The following MYO5A variants were observed in gnomAD, a reference collection of about 807,000 sequenced individuals.
MYO5A encodes unconventional myosin-Va.
A neutral mutation model predicts 249.7 loss-of-function variants in MYO5A; 98 were observed. That is an observed-to-expected ratio of 0.39 (90% CI 0.33 to 0.46). MYO5A has a LOEUF of 0.46. MYO5A is among the 20% of genes least tolerant of loss of function. The pLI is 0.98. For missense variants in MYO5A, 1,696 were observed against 2,308.8 expected (o/e 0.73, Z 5.44); for synonymous variants, 778 against 810.6 (o/e 0.96, Z 0.68).
chr15:52,401,628 T>C (rs977646358), intron 9 of MYO5A, among the ~76,000 whole-genome samples: 1 of 152,184 alleles, frequency 6.6e-6, no homozygotes. Flanking sequence ...TTCTTAGGAA[T>C]AGATTTCTTT....
intron 1 of MYO5A, among the ~76,000 whole-genome samples, chr15:52,462,099 T>TA (rs2076262999): frequency 7.0e-6 from 1 of 143,874 alleles, no homozygotes; most frequent in African/African-American, 2.6e-5. Flanking sequence ...CCGTCTCTAC[T>TA]AAAAAAATAC....
chr15:52,497,527 C>T (rs951360493), intron 1 of MYO5A, among the ~76,000 whole-genome samples: 40 of 150,706 alleles, frequency 2.7e-4, no homozygotes, highest in East Asian at 1.7e-3. Context: ...AAGGCTGAGG[C>T]GGGCGGATTG....
intron 1 of MYO5A, among the ~76,000 whole-genome samples, chr15:52,527,837 A>C (rs1693510): frequency 0.78 from 118,246 of 152,212 alleles, 46,588 homozygotes; most frequent in South Asian, 0.85. Flanking sequence ...CTGTTGCAAA[A>C]GCTAATGTGA....
At chr15:52,463,452 A>G (rs116673549) in intron 1 of MYO5A, among the ~76,000 whole-genome samples, 1,826 of 152,316 alleles carry the variant, frequency 0.012, 40 homozygotes, top group African/African-American at 0.042. Flanking sequence ...TAAAACTTAC[A>G]ACTAAAATTG....
intron 14 of MYO5A, among the ~76,000 whole-genome samples, chr15:52,386,988 T>C (rs767317781): frequency 2.0e-5 from 3 of 152,202 alleles, no homozygotes; most frequent in Non-Finnish European, 4.4e-5. Flanking sequence ...GTTAAAAAGA[T>C]TCTCTGAGAA....
intron 1 of MYO5A, among the ~76,000 whole-genome samples, chr15:52,482,616 T>C (rs1036764028): frequency 2.6e-5 from 4 of 152,192 alleles, no homozygotes; most frequent in African/African-American, 9.6e-5. Context: ...TTCCATTTGA[T>C]ATCCCTAACA....
intron 2 of MYO5A, among the ~76,000 whole-genome samples, chr15:52,431,482 GTATC>G (rs774527229): frequency 6.6e-6 from 1 of 151,868 alleles, no homozygotes; most frequent in Non-Finnish European, 1.5e-5. Flanking sequence ...ATACATATTA[GTATC>G]TATCTATCCA....
At position 52,376,326 on chromosome 15, in the gene MYO5A, C is replaced by A. The variant is rs761787409; in HGVS notation, c.2420+21G>T. On this transcript the variant is annotated intron_variant, in intron 19 of 41. Transcript: ENST00000399233. ...GACAGTGAATTAGATGGGCACTCTA[C>A]TCTGTCCCCAGGAGACCTACCATCG... 2.5e-6 allele frequency: 4 copies of A among 1,611,086 alleles called. No homozygotes were observed. In the African/African-American group the frequency reaches 5.3e-5, roughly 22 times the overall value.
At chr15:52,491,634 C>T (rs2076937766) in intron 1 of MYO5A, among the ~76,000 whole-genome samples, 1 of 152,176 alleles carries the variant, frequency 6.6e-6, no homozygotes, top group Non-Finnish European at 1.5e-5. Context: ...CTGTCTCATG[C>T]TAACAAAAAC....
intron 1 of MYO5A, chr15:52,505,231 C>T (rs528927356): frequency 1.3e-6 from 1 of 774,072 alleles, no homozygotes; most frequent in Non-Finnish European, 2.4e-6. Context: ...CCTCCAGGTG[C>T]TCAATGATTA....
intron 1 of MYO5A, among the ~76,000 whole-genome samples, chr15:52,461,835 C>T (rs549569786): frequency 1.3e-4 from 20 of 151,976 alleles, no homozygotes; most frequent in South Asian, 6.2e-4. Flanking sequence ...GTGGCATGCG[C>T]CTGTAGTCCC....
At chr15:52,317,400 A>G (rs1455481082) in intron 39 of MYO5A, among the ~76,000 whole-genome samples, 178 bp from the exon 40 acceptor site, 1 of 152,236 alleles carries the variant, frequency 6.6e-6, no homozygotes, top group Admixed American at 6.5e-5. Context: ...TGAGGATTAT[A>G]ATCACCATTA....
In MYO5A at chr15:52,308,399, A is replaced by G. The variant is rs1379580713; in HGVS notation, c.*5297T>C. 1 of 152,252 alleles carries G rather than the reference A, an allele frequency of 6.6e-6. No individual in the cohort carries two copies. Among genetic ancestry groups the G allele is most frequent in the East Asian group, 1.9e-4 (1 of 5,204 alleles). 9.4% of individuals were successfully genotyped at this position (152,252 alleles called of 1,614,324 possible). A position where few individuals can be genotyped will look rare whatever the true frequency, so the allele number is the denominator to read the frequency against. ...CTGTTTTTACTCAACCTTTTATAGT[A>G]CAGGGTTCTTAAAAAATTTTGAAAA... On this transcript the variant is annotated 3_prime_UTR_variant, in exon 42 of 42. Coordinates refer to ENST00000399233, the MANE Select transcript of MYO5A (RefSeq NM_001382347.1).
chr15:52,423,412 C>T (rs374736612), intron 4 of MYO5A, among the ~76,000 whole-genome samples: 7 of 152,062 alleles, frequency 4.6e-5, no homozygotes, highest in East Asian at 1.9e-4. Context: ...ATTAGCTGGG[C>T]GTGGTGGCAG....
intron 1 of MYO5A, among the ~76,000 whole-genome samples, chr15:52,443,915 G>T (rs369164118): frequency 6.6e-6 from 1 of 151,558 alleles, no homozygotes; most frequent in Non-Finnish European, 1.5e-5. Flanking sequence ...CCTGAGAGGC[G>T]GAGGTTGCAG....
intron 1 of MYO5A, among the ~76,000 whole-genome samples, chr15:52,504,669 A>C (rs2077228655): frequency 6.6e-6 from 1 of 152,184 alleles, no homozygotes; most frequent in Non-Finnish European, 1.5e-5. Context: ...TGGGAGACCA[A>C]GGCGGGTGGA....
chr15:52,384,911 G>A (rs942877996), intron 14 of MYO5A, among the ~76,000 whole-genome samples: 5 of 152,010 alleles, frequency 3.3e-5, no homozygotes, highest in East Asian at 1.9e-4. Flanking sequence ...AAGATAATTC[G>A]GGTTACAGAA....
chr15:52,430,790 T>C lies in MYO5A; in HGVS notation c.139-2221A>G, dbSNP rs189887622. 5.8e-4 allele frequency among the ~76,000 whole-genome samples: 89 copies of C among 152,316 alleles called. 1 individual carries two copies. In the Middle Eastern group the frequency reaches 0.014, roughly 23 times the overall value. On this transcript the variant is annotated intron_variant, in intron 2 of 41. Coordinates refer to ENST00000399233, the MANE Select transcript of MYO5A (RefSeq NM_001382347.1). ...GATTAGCAATTCTGAAATAACTTTA[T>C]GTCTATAATGAATAAGTAATATAGC...
chr15:52,501,728 T>G (rs530650744), intron 1 of MYO5A, among the ~76,000 whole-genome samples: 2 of 152,132 alleles, frequency 1.3e-5, no homozygotes, highest in South Asian at 4.1e-4. Context: ...ATTCAGATAT[T>G]ACATAATTGA....
Sources: allele counts gnomAD v4.1 joint callset (sites outside exome capture counted in the v4.1 genomes callset), GRCh38; gene constraint gnomAD v4.1.1; transcripts MANE v1.5; gene names NCBI Gene and HGNC (gene_info 2026-07-23, HGNC 2026-07-21).